CHAF1A: variants seen among roughly 807,000 people sequenced by gnomAD.
CHAF1A encodes the protein chromatin assembly factor 1 subunit A.
Under a neutral mutation model 93.2 loss-of-function variants are expected in CHAF1A, and 5 were observed. That is an observed-to-expected ratio of 0.05 (90% CI 0.03 to 0.11). The LOEUF (loss-of-function observed/expected upper bound fraction) is 0.11. Ranked by LOEUF, CHAF1A falls within the 10% of genes least tolerant of loss-of-function variation. The probability of loss-of-function intolerance (pLI) is 1.00; values close to 1 mark genes in which losing one functional copy is unlikely to be tolerated. For synonymous variants in CHAF1A, 504 were observed against 510.3 expected, an observed-to-expected ratio of 0.99 and a Z score of 0.17; for missense variants, 1,102 against 1,259.9, an observed-to-expected ratio of 0.87 and a Z score of 1.90.
chr19:4,424,865 C>T (rs1226860472), intron 7 of CHAF1A, among the ~76,000 whole-genome samples: 3 of 152,196 alleles, frequency 2.0e-5, no homozygotes, highest in African/African-American at 7.2e-5. Flanking sequence ...GAACTCCTGA[C>T]CTCAGGTGAT....
intron 2 of CHAF1A, among the ~76,000 whole-genome samples, chr19:4,408,461 C>CCTTTTTTT (rs1973725517): frequency 2.8e-5 from 1 of 36,012 alleles, no homozygotes; most frequent in African/African-American, 1.7e-4. Flanking sequence ...CGCACCCGGC[C>CCTTTTTTT]TTTTTTTTTT....
At chr19:4,446,028 C>G (rs1974505258), downstream of CHAF1A, 2 of 1,598,062 alleles carry the variant, frequency 1.3e-6, no homozygotes, top group Non-Finnish European at 1.7e-6. Flanking sequence ...GTCAGCGGTG[C>G]TCCTGCGGGC....
rs1175931230 is a variant in CHAF1A, at chr19:4,432,114, C to T, written c.2110C>T (p.Leu704=). 6.2e-7 allele frequency: 1 copy of T among 1,613,902 alleles called. No homozygotes were observed. The highest frequency in any genetic ancestry group is 8.5e-7 in the Non-Finnish European group (1 of 1,179,990). ...CTGCGCAGGCGATGACCTGAAGGTA[C>T]TGCAGCAGTTCGCAGCCTGCTTCCT... ...RDCAGDDLKV[L]QQFAACFLET... is the part of the protein sequence containing the mutation. Residue 704 remains leucine, a synonymous_variant, in exon 12 of 15, where the codon CTG becomes TTG. Transcript: ENST00000301280.
chr19:4,430,730 G>T, intron 11 of CHAF1A, 89 bp downstream of exon 11: 2 of 1,373,176 alleles, frequency 1.5e-6, no homozygotes, highest in Non-Finnish European at 2.1e-6. Flanking sequence ...GGTGACGGGG[G>T]TCCCAGCCCA....
At position 4,422,482 on chromosome 19, in the gene CHAF1A, C is replaced by T. The variant is rs1411789568; in HGVS notation, c.1018-84C>T. 4.9e-6 allele frequency: 6 copies of T among 1,219,770 alleles called. No individual in the cohort carries two copies. The highest frequency in any genetic ancestry group is 1.5e-5 in the African/African-American group (1 of 66,056). The allele number at this position is 1,219,770 out of a possible 1,614,324, so 75.6% of individuals were successfully genotyped here. On this transcript the variant is annotated intron_variant, in intron 4 of 14. Transcript: ENST00000301280. This position sits in a 1 kb window ranked among gnomAD's most constrained non-coding sequence, Gnocchi z 4.6. ...TCAATTCTGTTCATCCCGTCCAGGC[C>T]GTGCTGTCCTCCATGCTGTGAACCG...
At chr19:4,419,229 T>C (rs1336667488) in intron 4 of CHAF1A, among the ~76,000 whole-genome samples, 1 of 151,910 alleles carries the variant, frequency 6.6e-6, no homozygotes, top group East Asian at 1.9e-4. Context: ...TTGAACATCA[T>C]GTCATACCGA....
intron 4 of CHAF1A, among the ~76,000 whole-genome samples, chr19:4,420,430 A>G: frequency 6.6e-6 from 1 of 151,798 alleles, no homozygotes; most frequent in East Asian, 1.9e-4. Context: ...TTTAGTAGAG[A>G]CGGGGTTTCA....
At chr19:4,446,746 A>G, downstream of CHAF1A, 1 of 1,610,152 alleles carries the variant, frequency 6.2e-7, no homozygotes, top group Non-Finnish European at 8.5e-7. Flanking sequence ...CATGGGTGTC[A>G]CTGTGCAATG....
intron 7 of CHAF1A, among the ~76,000 whole-genome samples, chr19:4,425,442 C>T (rs183718621): frequency 3.8e-4 from 58 of 152,100 alleles, no homozygotes; most frequent in African/African-American, 1.3e-3. Flanking sequence ...TTAGTAGAGA[C>T]GGGGTTTCAC....
chr19:4,430,435 C>T (rs1974160328), intron 10 of CHAF1A, 114 bp from the exon 11 acceptor site: 5 of 680,402 alleles, frequency 7.3e-6, no homozygotes, highest in Non-Finnish European at 1.3e-5. Context: ...ACCTCAGCCT[C>T]CCAAAGTGCT....
At chr19:4,405,011 G>A (rs1424915223) in intron 1 of CHAF1A, among the ~76,000 whole-genome samples, 1 of 152,152 alleles carries the variant, frequency 6.6e-6, no homozygotes, top group African/African-American at 2.4e-5. Context: ...TTTGGTGGTG[G>A]TATGGGGGCT....
At chr19:4,446,615 T>C, downstream of CHAF1A, 1 of 1,612,640 alleles carries the variant, frequency 6.2e-7, no homozygotes, top group Non-Finnish European at 8.5e-7. Context: ...CTGTCCAGCT[T>C]GGCGCGCACG....
At position 4,429,451 on chromosome 19, in the gene CHAF1A, G is replaced by T; in HGVS notation, c.1618G>T (p.Val540Leu). The change falls in exon 9 of 15, where the codon GTG (valine) becomes TTG (leucine). Residue 540 changes from valine (V) to leucine (L), a missense_variant. This residue lies in a region of CHAF1A where 335 missense variants were observed against 361.9 expected (regional missense o/e 0.93). Transcript: ENST00000301280. ...TTTCCTTCTCAGTGATGTCGTCATC[G>T]TGGAGCGTGGGAAGGGCGACGGTGT... ...ADIFNSDVVI[V>L]ERGKGDGVPE... 6.2e-7 allele frequency: 1 copy of T among 1,613,876 alleles called. No individual in the cohort carries two copies. Among genetic ancestry groups the T allele is most frequent in the East Asian group, 2.2e-5 (1 of 44,864 alleles).
At position 4,422,869 on chromosome 19, in the gene CHAF1A, C is replaced by T. The variant is rs1314688891; in HGVS notation, c.1247+74C>T. On this transcript the variant is annotated intron_variant, in intron 5 of 14. Transcript: ENST00000301280. The surrounding 1 kb of genome is among the most constrained non-coding windows in gnomAD (Gnocchi z 4.6). ...TCCGCTCCTGGCCACTCTGATGGGG[C>T]CTTTCCACTTCACAGGCAGATGGCG... 2.1e-5 allele frequency: 29 copies of T among 1,376,926 alleles called. No individual in the cohort carries two copies. The Middle Eastern group carries it at 3.3e-3, about 156-fold the overall frequency. 85.3% of individuals were successfully genotyped at this position (1,376,926 alleles called of 1,614,324 possible).
chr19:4,435,055 C>G (rs551898855), intron 13 of CHAF1A, among the ~76,000 whole-genome samples: 5 of 146,310 alleles, frequency 3.4e-5, no homozygotes, highest in Non-Finnish European at 7.5e-5. Context: ...ACACAGTGTT[C>G]GGAAGTGAGT....
intron 3 of CHAF1A, among the ~76,000 whole-genome samples, chr19:4,410,175 C>G (rs886791086): frequency 6.6e-6 from 1 of 152,024 alleles, no homozygotes; most frequent in African/African-American, 2.4e-5. Flanking sequence ...ACACTGAGCA[C>G]TGAAGTGGCA....
chr19:4,432,999 G>A, intron 12 of CHAF1A, 71 bp from the exon 13 acceptor site: 1 of 1,264,526 alleles, frequency 7.9e-7, no homozygotes, highest in Non-Finnish European at 1.1e-6. Flanking sequence ...TTGTGTATGT[G>A]TTTTGTTTTT....
chr19:4,406,420 C>T (rs557248608), intron 2 of CHAF1A, among the ~76,000 whole-genome samples: 5 of 150,032 alleles, frequency 3.3e-5, no homozygotes, highest in East Asian at 2.0e-4. Context: ...GCCAGATGAG[C>T]GGTTGGATTG....
At chr19:4,405,814 T>C in intron 1 of CHAF1A, 98 bp from the exon 2 acceptor site, 2 of 1,048,650 alleles carry the variant, frequency 1.9e-6, no homozygotes, top group Non-Finnish European at 3.0e-6. Flanking sequence ...GGGGTCAGAA[T>C]TGCCTCCACC....
Sources: gnomAD v4.1 joint callset for allele counts (sites outside exome capture counted in the v4.1 genomes callset) on GRCh38, gnomAD v4.1.1 for gene constraint, gnomAD v4.1.1 regional missense constraint, Gnocchi (gnomAD v3.1) non-coding constraint, MANE v1.5 for transcripts, NCBI Gene and HGNC (gene_info 2026-07-23, HGNC 2026-07-21) for gene names.